The following RSPH14 variants were observed in gnomAD, a reference collection of about 807,000 sequenced individuals.
RSPH14 encodes radial spoke head 14 homolog, also known as rhabdoid tumor deletion region gene 1.
A neutral mutation model predicts 26.7 loss-of-function variants in RSPH14; 20 were observed. That is an observed-to-expected ratio of 0.75 (90% CI 0.53 to 1.09). RSPH14 has a LOEUF of 1.09. Ranked by LOEUF, RSPH14 falls within the 50% of genes least tolerant of loss-of-function variation. The pLI, the probability that RSPH14 is intolerant of heterozygous loss-of-function variation, is 0.00. For synonymous variants in RSPH14, 177 were observed against 189.3 expected (o/e 0.93, Z 0.53); for missense variants, 449 against 457.2 (o/e 0.98, Z 0.16).
intron 4 of RSPH14, among the ~76,000 whole-genome samples, chr22:23,100,806 G>T (rs1243645947): frequency 1.3e-5 from 2 of 152,220 alleles, no homozygotes; most frequent in Non-Finnish European, 2.9e-5. Context: ...GGGACACTCA[G>T]CCCTTCCCAA....
intron 3 of RSPH14, among the ~76,000 whole-genome samples, chr22:23,135,258 G>C (rs185054141): frequency 4.2e-4 from 63 of 149,546 alleles, no homozygotes; most frequent in African/African-American, 1.4e-3. Flanking sequence ...CGGATCACTA[G>C]GTCAGGAGAT....
intron 3 of RSPH14, among the ~76,000 whole-genome samples, chr22:23,138,508 G>A (rs1183176223): frequency 1.3e-5 from 2 of 152,146 alleles, no homozygotes; most frequent in Non-Finnish European, 2.9e-5. Context: ...GCTGCAGTGA[G>A]CTGAGATCGT....
At chr22:23,157,314 A>G in the RSPH14 span, among the ~76,000 whole-genome samples, 1 of 151,428 alleles carries the variant, frequency 6.6e-6, no homozygotes, top group Admixed American at 6.6e-5. Context: ...GCAGTGGCGC[A>G]ATCTCGGCTC....
chr22:23,078,969 T>C (rs939083463), intron 4 of RSPH14, among the ~76,000 whole-genome samples: 2 of 152,064 alleles, frequency 1.3e-5, no homozygotes, highest in African/African-American at 4.8e-5. Flanking sequence ...CCAGAAGACC[T>C]CCCAGAAGTC....
At chr22:23,098,354 T>A (rs977587814) in intron 4 of RSPH14, among the ~76,000 whole-genome samples, 2 of 152,354 alleles carry the variant, frequency 1.3e-5, no homozygotes, top group African/African-American at 4.8e-5. Context: ...TACTCCTCCA[T>A]CTAGTGATGT....
intron 4 of RSPH14, chr22:23,123,708 C>T (rs1192747016): frequency 4.3e-6 from 2 of 467,932 alleles, no homozygotes; most frequent in Non-Finnish European, 7.8e-6. Flanking sequence ...GAGAAGCTGT[C>T]ACAAGGTCAC....
chr22:23,068,899 C>T (rs1246342679), intron 4 of RSPH14, among the ~76,000 whole-genome samples: 1 of 152,186 alleles, frequency 6.6e-6, no homozygotes, highest in Admixed American at 6.5e-5. Flanking sequence ...GGAAGGCAAG[C>T]ACAAAGGGTA....
upstream of RSPH14, among the ~76,000 whole-genome samples, chr22:23,147,371 T>TC (rs58826964): frequency 0.39 from 58,864 of 151,700 alleles, 12,003 homozygotes; most frequent in East Asian, 0.61. Context: ...TCTTGCTCTG[T>TC]CACCCAGGCT....
intron 4 of RSPH14, among the ~76,000 whole-genome samples, chr22:23,098,667 G>A (rs184835388): frequency 3.9e-5 from 6 of 152,392 alleles, no homozygotes; most frequent in South Asian, 4.1e-4. Context: ...AAACCCAAGC[G>A]AGGCTGGAAA....
the RSPH14 span, among the ~76,000 whole-genome samples, chr22:23,176,804 G>GCC: frequency 6.6e-6 from 1 of 152,106 alleles, no homozygotes; most frequent in Non-Finnish European, 1.5e-5. Context: ...AACCTTCCAT[G>GCC]CAACAGACCC....
chr22:23,110,844 G>A (rs2069625526), intron 4 of RSPH14, among the ~76,000 whole-genome samples: 1 of 152,156 alleles, frequency 6.6e-6, no homozygotes, highest in African/African-American at 2.4e-5. Context: ...AAGGACCCAA[G>A]GGCCCACCAC....
chr22:23,088,391 C>T (rs1480494847), intron 4 of RSPH14, among the ~76,000 whole-genome samples: 1 of 152,212 alleles, frequency 6.6e-6, no homozygotes, highest in Admixed American at 6.5e-5. Context: ...GCCTGGAGAT[C>T]TGTCACTGCG....
intron 4 of RSPH14, among the ~76,000 whole-genome samples, chr22:23,081,821 CAAAAAAAA>C (rs55713577): frequency 6.4e-5 from 3 of 46,746 alleles, no homozygotes; most frequent in African/African-American, 1.8e-4. Context: ...GATTCCATCT[CAAAAAAAA>C]AAAAAAAAAA....
intron 4 of RSPH14, among the ~76,000 whole-genome samples, chr22:23,130,178 G>A (rs1314041792): frequency 6.7e-6 from 1 of 148,672 alleles, no homozygotes; most frequent in African/African-American, 2.5e-5. Flanking sequence ...AAAGAAGGCC[G>A]GGCATGGTGG....
the RSPH14 span, chr22:23,159,243 G>C: frequency 6.3e-7 from 1 of 1,591,740 alleles, no homozygotes; most frequent in Middle Eastern, 1.7e-4. Flanking sequence ...GGTCAGTGTC[G>C]GCCAAGACTG....
At chr22:23,161,035 G>T in the RSPH14 span, 1 of 1,560,914 alleles carries the variant, frequency 6.4e-7, no homozygotes, top group South Asian at 1.1e-5. Context: ...CTGGGGAGTA[G>T]GCTGGAGGCC....
chr22:23,151,608 T>C, the RSPH14 span, among the ~76,000 whole-genome samples: 1 of 152,130 alleles, frequency 6.6e-6, no homozygotes, highest in Non-Finnish European at 1.5e-5. Context: ...CCCAGGAAGC[T>C]GGGACAATGG....
intron 4 of RSPH14, chr22:23,131,643 T>C (rs1569193742): frequency 1.5e-6 from 2 of 1,303,990 alleles, no homozygotes; most frequent in African/African-American, 1.5e-5. Flanking sequence ...ACTCCAAGAA[T>C]GAGGGGACTA....
the RSPH14 span, chr22:23,160,905 C>T: frequency 1.6e-5 from 26 of 1,613,692 alleles, no homozygotes; most frequent in African/African-American, 1.9e-4. Flanking sequence ...ATTCTTCAGC[C>T]GCGTAGCCGC....
Sources: allele counts gnomAD v4.1 joint callset (sites outside exome capture counted in the v4.1 genomes callset), GRCh38; gene constraint gnomAD v4.1.1; transcripts MANE v1.5; gene names NCBI Gene and HGNC (gene_info 2026-07-23, HGNC 2026-07-21).